Variants in TRAF3IP1 observed in about 807,000 individuals in gnomAD.
TRAF3IP1 encodes intraflagellar transport 54, also known as TRAF3-interacting protein 1.
TRAF3IP1 carries 53 observed loss-of-function variants against 89.9 expected under a neutral mutation model. That is an observed-to-expected ratio of 0.59 (90% CI 0.47 to 0.74). The LOEUF is 0.74. Ranked by LOEUF, TRAF3IP1 falls within the 30% of genes least tolerant of loss-of-function variation. The probability of loss-of-function intolerance (pLI) is 0.00; values close to 1 mark genes in which losing one functional copy is unlikely to be tolerated. For missense variants in TRAF3IP1, 806 were observed against 866.1 expected (o/e 0.93, Z 0.87); for synonymous variants, 311 against 322.1 (o/e 0.97, Z 0.37).
intron 9 of TRAF3IP1, chr2:238,347,071 G>C (rs550677378): frequency 5.4e-6 from 1 of 185,476 alleles, no homozygotes; most frequent in Non-Finnish European, 1.1e-5. Context: ...GGAACGGCCC[G>C]GGATTTGGTT....
chr2:238,384,240 G>A (rs1037653544), intron 15 of TRAF3IP1, among the ~76,000 whole-genome samples: 11 of 151,998 alleles, frequency 7.2e-5, no homozygotes, highest in South Asian at 4.2e-4. Flanking sequence ...TGCTGCCTCC[G>A]CCCACGGCTG....
rs1189593689 is a variant in TRAF3IP1 at position 238,345,319 on chromosome 2, G to A, written c.1261+721G>A. Among the ~76,000 whole-genome samples the A allele has an allele frequency of 6.6e-6, 1 of 152,216 alleles. No individual in the cohort carries two copies. Among genetic ancestry groups the A allele is most frequent in the Non-Finnish European group, 1.5e-5 (1 of 68,030 alleles). Reference sequence around the variant, plus strand: ...TGCCTTCCTGGTGCAGATGAGGCTCGAAGATCAACCGAAATCGTTTGATGG... The same window carrying A: ...TGCCTTCCTGGTGCAGATGAGGCTCAAAGATCAACCGAAATCGTTTGATGG... On this transcript the variant is annotated intron_variant, in intron 9 of 16. Transcript: ENST00000373327. The surrounding 1 kb of genome is among the most constrained non-coding windows in gnomAD (Gnocchi z 4.7).
At chr2:238,373,657 C>A (rs1231274214) in intron 15 of TRAF3IP1, among the ~76,000 whole-genome samples, 4 of 152,156 alleles carry the variant, frequency 2.6e-5, no homozygotes, top group African/African-American at 9.6e-5. Context: ...TAGTTTTTTC[C>A]AATTCTGTGA....
At chr2:238,396,876 G>GTGCTGCTGGCTGCTGCTGGC (rs542262809) in intron 15 of TRAF3IP1, among the ~76,000 whole-genome samples, 1 of 152,128 alleles carries the variant, frequency 6.6e-6, no homozygotes, top group Non-Finnish European at 1.5e-5. Flanking sequence ...TGCCTGCTGG[G>GTGCTGCTGGCTGCTGCTGGC]TGCTGCTGGC....
chr2:238,351,786 A>G lies in TRAF3IP1; in HGVS notation c.1452-1041A>G, dbSNP rs966876271. On this transcript the variant is annotated intron_variant, in intron 12 of 16. Coordinates refer to ENST00000373327, the MANE Select transcript of TRAF3IP1 (RefSeq NM_015650.4). This position sits in a 1 kb window ranked among gnomAD's most constrained non-coding sequence, Gnocchi z 5.2. ...TTTCAGAGGTCGTTCCCAAGTGTCT[A>G]CATTCCCTCTGGACCTTGTGCATGG... Among the ~76,000 whole-genome samples, 7 of 151,946 alleles carry G rather than the reference A, an allele frequency of 4.6e-5. No individual in the cohort carries two copies. Among genetic ancestry groups the G allele is most frequent in the African/African-American group, 1.2e-4 (5 of 41,306 alleles).
At position 238,365,613 on chromosome 2, in the gene TRAF3IP1, G is replaced by A. The variant is rs772258376; in HGVS notation, c.1689+9533G>A. On this transcript the variant is annotated intron_variant, in intron 15 of 16. Transcript: ENST00000373327. ...TTTGAGGCCGCAGTGAGCCAAGCTCGCGCCACTGCACTCCAGACTGGGTGA... is the reference window on the plus strand; with the variant it reads ...TTTGAGGCCGCAGTGAGCCAAGCTCACGCCACTGCACTCCAGACTGGGTGA... Among the ~76,000 whole-genome samples the A allele has an allele frequency of 3.9e-5, 6 of 152,116 alleles. No homozygotes were observed. In the East Asian group the frequency reaches 7.7e-4, roughly 20 times the overall value.
intron 15 of TRAF3IP1, among the ~76,000 whole-genome samples, chr2:238,367,827 G>A (rs1699948524): frequency 6.6e-6 from 1 of 152,186 alleles, no homozygotes; most frequent in African/African-American, 2.4e-5. Flanking sequence ...ACCACAGGAG[G>A]GAGCAGCACC....
intron 3 of TRAF3IP1, 85 bp downstream of exon 3, chr2:238,326,055 G>A: frequency 7.2e-7 from 1 of 1,397,746 alleles, no homozygotes; most frequent in Non-Finnish European, 9.7e-7. Flanking sequence ...TGTGCGGGCG[G>A]TTTAGGGAAG....
At chr2:238,347,001 G>GA (rs573185371) in intron 9 of TRAF3IP1, among the ~76,000 whole-genome samples, 159 of 152,312 alleles carry the variant, frequency 1.0e-3, no homozygotes, top group Non-Finnish European at 1.9e-3. Context: ...GGAGCTGATG[G>GA]AAAAATGCTT....
rs558297931 is a variant in TRAF3IP1, at chr2:238,351,628, C to T, written c.1452-1199C>T. 1.7e-4 allele frequency among the ~76,000 whole-genome samples: 26 copies of T among 152,164 alleles called. No homozygotes were observed. Among genetic ancestry groups the T allele is most frequent in the Non-Finnish European group, 3.2e-4 (22 of 67,978 alleles). On this transcript the variant is annotated intron_variant, in intron 12 of 16. Transcript: ENST00000373327. This position sits in a 1 kb window ranked among gnomAD's most constrained non-coding sequence, Gnocchi z 5.2. The stretch of plus-strand genomic sequence containing the variant: ...GAGCGTGAGAGACGAGGGACGGGAG[C>T]CTGGACTTCCTGGTACTGACAGAGC...
intron 9 of TRAF3IP1, 172 bp downstream of exon 9, chr2:238,344,770 G>A: frequency 1.4e-6 from 1 of 703,434 alleles, no homozygotes; most frequent in Non-Finnish European, 2.6e-6. Context: ...AATCGAACAT[G>A]GTGGTTTCTT....
chr2:238,367,451 C>T (rs1467761597), intron 15 of TRAF3IP1, among the ~76,000 whole-genome samples: 1 of 152,160 alleles, frequency 6.6e-6, no homozygotes, highest in Non-Finnish European at 1.5e-5. Flanking sequence ...ATCTGTTAGT[C>T]ATTAGGCCTT....
Position 238,367,163 on chromosome 2 carries a change from CAAAAAAAA to C in TRAF3IP1, c.1689+11102_1689+11109del, listed in dbSNP as rs33964253. On this transcript the variant is annotated intron_variant, in intron 15 of 16. Transcript: ENST00000373327. ...TGGGTGACAAAGCAAGACTCTGTCTCAAAAAAAAAAAAAAAAAAAAAAAAAAGAAAATT... is the reference window on the plus strand; with the variant it reads ...TGGGTGACAAAGCAAGACTCTGTCTCAAAAAAAAAAAAAAAAAAGAAAATT... 3.6e-4 allele frequency among the ~76,000 whole-genome samples: 13 copies of C among 36,162 alleles called. 1 individual carries two copies. The highest frequency in any genetic ancestry group is 2.5e-3 in the Admixed American group (5 of 1,968). The allele number at this position is 36,162 out of a possible 152,430, so 23.7% of individuals were successfully genotyped here.
intron 15 of TRAF3IP1, among the ~76,000 whole-genome samples, chr2:238,365,280 A>G (rs1346961809): frequency 6.6e-6 from 1 of 152,212 alleles, no homozygotes; most frequent in East Asian, 1.9e-4. Context: ...ACCTGACAAC[A>G]GTATTTTTAG....
intron 5 of TRAF3IP1, among the ~76,000 whole-genome samples, chr2:238,329,969 A>G (rs187565275): frequency 3.0e-4 from 45 of 152,308 alleles, no homozygotes; most frequent in Non-Finnish European, 5.7e-4. Context: ...ATGTAGAGAA[A>G]TCAACGTTTT....
intron 15 of TRAF3IP1, 70 bp downstream of exon 15, chr2:238,356,150 G>C (rs1040780536): frequency 1.6e-6 from 2 of 1,218,960 alleles, no homozygotes; most frequent in Admixed American, 1.8e-5. Context: ...ACTTTTACAA[G>C]TTGGAGCATC....
intron 15 of TRAF3IP1, among the ~76,000 whole-genome samples, chr2:238,377,354 A>T (rs1012102326): frequency 6.7e-6 from 1 of 148,926 alleles, no homozygotes; most frequent in South Asian, 2.1e-4. Flanking sequence ...CCTCCTCCCA[A>T]GTAGCTGGGA....
At position 238,351,060 on chromosome 2, in the gene TRAF3IP1, G is replaced by A. The variant is rs1419782956; in HGVS notation, c.1451+1652G>A. 6.6e-6 allele frequency among the ~76,000 whole-genome samples: 1 copy of A among 152,144 alleles called. No homozygotes were observed. The highest frequency in any genetic ancestry group is 6.5e-5 in the Admixed American group (1 of 15,276). The stretch of plus-strand genomic sequence containing the variant: ...ATTGTTGGAGTCAGGTCCTAGGGCG[G>A]TGAGCTGGGAATATAGATAGTGGTG... On this transcript the variant is annotated intron_variant, in intron 12 of 16. Coordinates refer to ENST00000373327, the MANE Select transcript of TRAF3IP1 (RefSeq NM_015650.4). The surrounding 1 kb of genome is among the most constrained non-coding windows in gnomAD (Gnocchi z 5.2).
Position 238,348,824 on chromosome 2 carries a change from C to T in TRAF3IP1, c.1343C>T (p.Pro448Leu), listed in dbSNP as rs773044849. 6.2e-7 allele frequency: 1 copy of T among 1,614,110 alleles called. No homozygotes were observed. Among genetic ancestry groups the T allele is most frequent in the Middle Eastern group, 1.6e-4 (1 of 6,062 alleles). ...GAGGTGCCAGAGACTCCAGAAATTC[C>T]TAATGAGCTTTCATCCAACATCAGG... ...KSEVPETPEI[P>L]NELSSNIRRI... The change falls in exon 11 of 17, where the codon CCT becomes CTT. Residue 448 changes from proline (P) to leucine (L), a missense_variant. Coordinates refer to ENST00000373327, the MANE Select transcript of TRAF3IP1 (RefSeq NM_015650.4).
Sources: gnomAD v4.1 joint callset for allele counts (sites outside exome capture counted in the v4.1 genomes callset) on GRCh38, gnomAD v4.1.1 for gene constraint, Gnocchi (gnomAD v3.1) non-coding constraint, MANE v1.5 for transcripts, NCBI Gene and HGNC (gene_info 2026-07-23, HGNC 2026-07-21) for gene names.